Variants in RINL observed in about 807,000 individuals in gnomAD.
RINL encodes ras and Rab interactor-like protein.
In RINL, 39 loss-of-function variants were observed where a neutral mutation model predicts 58.1. The observed-to-expected ratio is 0.67, with a 90% confidence interval of 0.52 to 0.88. RINL has a LOEUF of 0.88. RINL is among the 40% of genes least tolerant of loss of function. RINL has a pLI of 0.00. For missense variants in RINL, 711 were observed against 749.2 expected (o/e 0.95, Z 0.60); for synonymous variants, 286 against 323.1 (o/e 0.89, Z 1.23).
At chr19:38,877,983 A>G (rs1972979044) in intron 1 of RINL, among the ~76,000 whole-genome samples, 1 of 152,194 alleles carries the variant, frequency 6.6e-6, no homozygotes, top group African/African-American at 2.4e-5. Context: ...TAGGCCATTG[A>G]CCAGAAGGCC....
At position 38,871,121 on chromosome 19, in the gene RINL, G is replaced by A. The variant is rs760410869; in HGVS notation, c.558C>T (p.Thr186=). The change falls in exon 7 of 12, where the codon ACC becomes ACT. Residue 186 remains threonine, a synonymous_variant. Transcript: ENST00000591812. The part of the protein sequence containing the change: ...ETHRGWGREQ[T]PQETEPEAAQ... Reference sequence around the variant, plus strand: ...CAGCCTCTGGCTCTGTTTCTTGAGGGGTCTGCTCCCTCCCCCAGCCTCTGT... The same window carrying A: ...CAGCCTCTGGCTCTGTTTCTTGAGGAGTCTGCTCCCTCCCCCAGCCTCTGT... 87 of 1,612,720 alleles carry A rather than the reference G, an allele frequency of 5.4e-5. 2 individuals carry two copies. In the South Asian group the frequency reaches 9.1e-4, roughly 17 times the overall value.
chr19:38,870,719 G>A lies in RINL; in HGVS notation c.875C>T (p.Pro292Leu), dbSNP rs572929934. Residue 292 changes from proline to leucine, a missense_variant, in exon 8 of 12, where the codon CCC becomes CTC. By Grantham distance (98) the Pro-to-Leu change is moderately conservative. Transcript: ENST00000591812. The surrounding 1 kb of genome is among the most constrained non-coding windows in gnomAD (Gnocchi z 5.8). ...RVRIASDSGG[P>L]HGSGDPATEL... ...CGTGGCCGGGTCCCCAGACCCGTGG[G>A]GACCCCCAGAATCTGAGGCGATGCG... The A allele has an allele frequency of 6.2e-7, 1 of 1,613,550 alleles. No individual in the cohort carries two copies. The highest frequency in any genetic ancestry group is 1.1e-5 in the South Asian group (1 of 91,074).
In RINL at chr19:38,869,839, A is replaced by G. The variant is rs1424610914; in HGVS notation, c.1342+104T>C. On this transcript the variant is annotated intron_variant, in intron 9 of 11. Transcript: ENST00000591812. The surrounding 1 kb of genome is among the most constrained non-coding windows in gnomAD (Gnocchi z 5.7). ...GGGCATGACAGCGCCTCCTACCAGAATCTTCAGGACCGCATAGATTCCTCC... is the reference window on the plus strand; with the variant it reads ...GGGCATGACAGCGCCTCCTACCAGAGTCTTCAGGACCGCATAGATTCCTCC... The G allele has an allele frequency of 6.6e-7, 1 of 1,526,472 alleles. No individual in the cohort carries two copies. The highest frequency in any genetic ancestry group is 8.8e-7 in the Non-Finnish European group (1 of 1,133,224). 94.6% of individuals were successfully genotyped at this position (1,526,472 alleles called of 1,614,324 possible).
intron 3 of RINL, among the ~76,000 whole-genome samples, chr19:38,875,676 A>G (rs1485894966): frequency 5.8e-5 from 5 of 86,290 alleles, no homozygotes; most frequent in South Asian, 6.8e-4. Context: ...AAACTCTCAA[A>G]ATTAAAAAAA....
At chr19:38,872,513 T>A (rs952968203) in intron 4 of RINL, among the ~76,000 whole-genome samples, 9 of 151,718 alleles carry the variant, frequency 5.9e-5, no homozygotes, top group African/African-American at 1.7e-4. Flanking sequence ...TAAATAAAAA[T>A]AAATTTTAAA....
At chr19:38,871,027 A>G (rs1972800364) in intron 7 of RINL, 35 bp from the exon 8 acceptor site, 7 of 1,579,352 alleles carry the variant, frequency 4.4e-6, no homozygotes, top group Non-Finnish European at 6.0e-6. Context: ...CGCCTAGAAC[A>G]GGGGCAGCAG....
At chr19:38,875,463 G>A (rs926632963) in intron 3 of RINL, among the ~76,000 whole-genome samples, 1 of 151,996 alleles carries the variant, frequency 6.6e-6, no homozygotes, top group African/African-American at 2.4e-5. Flanking sequence ...ATCACCTGAC[G>A]TCAGGAGTTT....
At chr19:38,876,622 G>A in intron 2 of RINL, 71 bp downstream of exon 2, 1 of 1,459,584 alleles carries the variant, frequency 6.9e-7, no homozygotes, top group South Asian at 1.2e-5. Context: ...CTGTAGTGAG[G>A]GAGGTATTGG....
At chr19:38,876,547 G>A in intron 2 of RINL, 57 bp from the exon 3 acceptor site, 1 of 1,510,518 alleles carries the variant, frequency 6.6e-7, no homozygotes, top group Admixed American at 2.0e-5. Flanking sequence ...GGGACAATGA[G>A]GTGAGGTCAA....
Position 38,876,936 on chromosome 19 carries a change from C to T in RINL, c.-39-155G>A, listed in dbSNP as rs187306439. On this transcript the variant is annotated intron_variant, in intron 1 of 11. Coordinates refer to ENST00000591812, the MANE Select transcript of RINL (RefSeq NM_001195833.2). The stretch of plus-strand genomic sequence containing the variant: ...TTAATTCTTTATTTTATTTTTGAGA[C>T]GGAGTCTCACTGTATTGCCCAGACT... Among the ~76,000 whole-genome samples, 7 of 152,274 alleles carry T rather than the reference C, an allele frequency of 4.6e-5. No individual in the cohort carries two copies. In the East Asian group the frequency reaches 9.7e-4, roughly 21 times the overall value.
intron 7 of RINL, 41 bp from the exon 8 acceptor site, chr19:38,871,033 A>G (rs1402334070): frequency 1.3e-6 from 2 of 1,578,970 alleles, no homozygotes; most frequent in East Asian, 2.2e-5. Flanking sequence ...GAACAGGGGC[A>G]GCAGCTCCCT....
chr19:38,876,515 TCAGGGGTCAGAGG>T, intron 2 of RINL, 25 bp from the exon 3 acceptor site: 4 of 1,534,552 alleles, frequency 2.6e-6, no homozygotes, highest in Non-Finnish European at 3.5e-6. Flanking sequence ...GTCCAGGGAG[TCAGGGGTCAGAGG>T]TGGGCAGTGG....
chr19:38,873,840 A>G, intron 4 of RINL, 46 bp downstream of exon 4: 1 of 1,186,858 alleles, frequency 8.4e-7, no homozygotes. Flanking sequence ...GATAGTTCTT[A>G]GTGATCAATT....
At chr19:38,874,799 G>A (rs911167928) in intron 3 of RINL, among the ~76,000 whole-genome samples, 4 of 152,172 alleles carry the variant, frequency 2.6e-5, no homozygotes, top group African/African-American at 9.7e-5. Flanking sequence ...TATAGGTGGT[G>A]GTTCTTAGCT....
At chr19:38,872,796 T>C (rs1320480502) in intron 4 of RINL, among the ~76,000 whole-genome samples, 1 of 151,940 alleles carries the variant, frequency 6.6e-6, no homozygotes, top group African/African-American at 2.4e-5. Flanking sequence ...GGTTGATGGG[T>C]GCAGCAAACC....
intron 3 of RINL, among the ~76,000 whole-genome samples, chr19:38,875,774 C>G (rs1284770169): frequency 6.6e-6 from 1 of 152,120 alleles, no homozygotes; most frequent in East Asian, 1.9e-4. Flanking sequence ...CACGCAGGTG[C>G]TTGGGCCTGG....
Position 38,869,145 on chromosome 19 carries a change from G to C in RINL, c.1660C>G (p.Pro554Ala), listed in dbSNP as rs1413014430. ...RAQANLPFKE[P>A]WAEETVTGTS... is the part of the protein sequence containing the mutation. ...CCTGTCACAGTCTCTTCTGCCCATGGCTCCTTAAAGGGCAGGTTGGCCTGT... is the reference window on the plus strand; with the variant it reads ...CCTGTCACAGTCTCTTCTGCCCATGCCTCCTTAAAGGGCAGGTTGGCCTGT... Residue 554 changes from proline to alanine, a missense_variant, in exon 12 of 12, where the codon CCA (proline) becomes GCA (alanine). Coordinates refer to ENST00000591812, the MANE Select transcript of RINL (RefSeq NM_001195833.2). This position sits in a 1 kb window ranked among gnomAD's most constrained non-coding sequence, Gnocchi z 5.7. 6.2e-7 allele frequency: 1 copy of C among 1,613,546 alleles called. No individual in the cohort carries two copies. The highest frequency in any genetic ancestry group is 8.5e-7 in the Non-Finnish European group (1 of 1,179,708).
At chr19:38,872,259 G>A (rs1371038221) in intron 4 of RINL, among the ~76,000 whole-genome samples, 1 of 152,160 alleles carries the variant, frequency 6.6e-6, no homozygotes, top group Non-Finnish European at 1.5e-5. Context: ...GCCGAGGTGG[G>A]TGAATCACCT....
intron 4 of RINL, chr19:38,873,672 C>T (rs985538522): frequency 4.2e-5 from 18 of 423,858 alleles, no homozygotes; most frequent in East Asian, 1.7e-4. Context: ...ATTACAGTCG[C>T]GCGTCACCAA....
Sources: allele counts gnomAD v4.1 joint callset (sites outside exome capture counted in the v4.1 genomes callset), GRCh38; gene constraint gnomAD v4.1.1; non-coding constraint Gnocchi (gnomAD v3.1); transcripts MANE v1.5; gene names NCBI Gene and HGNC (gene_info 2026-07-23, HGNC 2026-07-21).